Variants in FGF14 observed in about 807,000 individuals in gnomAD.
FGF14 encodes the protein fibroblast growth factor homologous factor 4.
Under a neutral mutation model 25.5 loss-of-function variants are expected in FGF14, and 5 were observed. The observed-to-expected ratio is 0.20, with a 90% confidence interval of 0.10 to 0.41. The LOEUF is 0.41. FGF14 is among the 10% of genes least tolerant of loss of function. The pLI, the probability that FGF14 is intolerant of heterozygous loss-of-function variation, is 1.00. For synonymous variants in FGF14, 138 were observed against 118.3 expected, an observed-to-expected ratio of 1.17 and a Z score of -1.08; for missense variants, 222 against 320.1, an observed-to-expected ratio of 0.69 and a Z score of 2.34.
intron 1 of FGF14, among the ~76,000 whole-genome samples, chr13:102,110,928 G>C (rs1275581891): frequency 6.6e-6 from 1 of 152,112 alleles, no homozygotes; most frequent in Non-Finnish European, 1.5e-5. Flanking sequence ...ACTGACAAAG[G>C]TTCCCATTAG....
At chr13:102,150,480 CACTT>C (rs1201874102) in intron 1 of FGF14, among the ~76,000 whole-genome samples, 2 of 152,150 alleles carry the variant, frequency 1.3e-5, no homozygotes, top group Admixed American at 6.5e-5. Context: ...CCACCATTCT[CACTT>C]ACGTTATTCC....
chr13:101,772,773 T>A (rs910519747), intron 3 of FGF14, among the ~76,000 whole-genome samples: 35 of 152,240 alleles, frequency 2.3e-4, no homozygotes, highest in African/African-American at 8.4e-4. Context: ...AAATAAGGAT[T>A]CTCTTTTATT....
chr13:102,040,229 G>A (rs540906732), intron 1 of FGF14, among the ~76,000 whole-genome samples: 1 of 152,162 alleles, frequency 6.6e-6, no homozygotes, highest in African/African-American at 2.4e-5. Flanking sequence ...GTACTGTTGA[G>A]CTTTTTATAT....
intron 1 of FGF14, among the ~76,000 whole-genome samples, chr13:102,080,940 A>G (rs1378561402): frequency 1.3e-5 from 2 of 152,236 alleles, no homozygotes; most frequent in African/African-American, 4.8e-5. Context: ...CCAAGACCAC[A>G]GAGGACTTCC....
At chr13:101,886,189 T>C (rs140280730) in intron 1 of FGF14, among the ~76,000 whole-genome samples, 1 of 152,300 alleles carries the variant, frequency 6.6e-6, no homozygotes. Flanking sequence ...GTAATTTATA[T>C]GATGTCACTG....
At chr13:102,267,702 A>G (rs2053057393) in intron 1 of FGF14, among the ~76,000 whole-genome samples, 1 of 152,186 alleles carries the variant, frequency 6.6e-6, no homozygotes, top group Non-Finnish European at 1.5e-5. Context: ...TTAGATTTAA[A>G]TAAACAAGAT....
chr13:102,357,689 G>C (rs374591429), intron 1 of FGF14, among the ~76,000 whole-genome samples: 1 of 152,146 alleles, frequency 6.6e-6, no homozygotes, highest in African/African-American at 2.4e-5. Context: ...TAGTATAGAT[G>C]AAGTGTTTAG....
chr13:102,110,456 C>T (rs573645113), intron 1 of FGF14, among the ~76,000 whole-genome samples: 54 of 152,224 alleles, frequency 3.5e-4, no homozygotes, highest in Admixed American at 7.8e-4. Flanking sequence ...TGACTATGGC[C>T]GCAACTTGTT....
chr13:102,089,664 G>T (rs2044081280), intron 1 of FGF14, among the ~76,000 whole-genome samples: 1 of 152,104 alleles, frequency 6.6e-6, no homozygotes, highest in South Asian at 2.1e-4. Context: ...GTACGTAAGG[G>T]GGCTATGAAT....
intron 1 of FGF14, among the ~76,000 whole-genome samples, chr13:102,138,730 C>A (rs891064326): frequency 2.0e-5 from 3 of 152,128 alleles, no homozygotes; most frequent in Non-Finnish European, 2.9e-5. Context: ...ACAGAAGGAG[C>A]TGGGCAAATT....
intron 1 of FGF14, among the ~76,000 whole-genome samples, chr13:102,188,621 T>C (rs1311624820): frequency 6.6e-6 from 1 of 152,042 alleles, no homozygotes; most frequent in African/African-American, 2.4e-5. Flanking sequence ...ACTTTTAATA[T>C]ATTGGTGCCA....
chr13:101,804,525 A>G (rs1290865649), intron 3 of FGF14, among the ~76,000 whole-genome samples: 2 of 152,194 alleles, frequency 1.3e-5, no homozygotes, highest in Non-Finnish European at 2.9e-5. Flanking sequence ...ACACTCAGGT[A>G]GATGAAAAAC....
chr13:102,021,068 C>T (rs946277809), intron 1 of FGF14, among the ~76,000 whole-genome samples: 23 of 151,828 alleles, frequency 1.5e-4, no homozygotes, highest in African/African-American at 5.3e-4. Context: ...GGTATGACTA[C>T]TGGGTGTATG....
intron 1 of FGF14, among the ~76,000 whole-genome samples, chr13:101,987,743 T>C (rs559187787): frequency 6.6e-6 from 1 of 152,238 alleles, no homozygotes; most frequent in South Asian, 2.1e-4. Flanking sequence ...GTGAACACAA[T>C]ATATAATATG....
intron 1 of FGF14, among the ~76,000 whole-genome samples, chr13:102,036,871 T>C (rs1372314797): frequency 6.6e-6 from 1 of 152,140 alleles, no homozygotes; most frequent in Admixed American, 6.5e-5. Context: ...TAATATTTCC[T>C]CTTATATTTT....
intron 1 of FGF14, among the ~76,000 whole-genome samples, chr13:101,932,756 T>TAA (rs869271842): frequency 0.22 from 21,682 of 98,282 alleles, 2,552 homozygotes; most frequent in Non-Finnish European, 0.31. Flanking sequence ...AAAATTACAG[T>TAA]AAAAAAAAAA....
rs978064626 is a variant in FGF14 at position 102,381,065 on chromosome 13, A to G, written c.208+20406T>C. On this transcript the variant is annotated intron_variant, in intron 1 of 4. Coordinates refer to the FGF14 transcript ENST00000376131. ...GGCAAAATCATCTAACACAAAGCCT[A>G]TTTTATAATGAAGTGTTGAATACCT... Among the ~76,000 whole-genome samples the G allele has an allele frequency of 4.6e-5, 7 of 152,194 alleles. No individual in the cohort carries two copies. In the East Asian group the frequency reaches 1.3e-3, roughly 29 times the overall value.
At chr13:102,263,258 T>C (rs146475285) in intron 1 of FGF14, 310 of 354,148 alleles carry the variant, frequency 8.8e-4, no homozygotes, top group African/African-American at 6.1e-3. Context: ...GGACGATTTA[T>C]TTTAAAAAGC....
intron 1 of FGF14, among the ~76,000 whole-genome samples, chr13:101,926,253 C>T (rs140278778): frequency 5.3e-5 from 8 of 152,292 alleles, no homozygotes; most frequent in Non-Finnish European, 8.8e-5. Flanking sequence ...CACTTACCCA[C>T]GCCCCTCTGA....
Sources: gnomAD v4.1 joint callset for allele counts (sites outside exome capture counted in the v4.1 genomes callset) on GRCh38, gnomAD v4.1.1 for gene constraint, MANE v1.5 for transcripts, NCBI Gene and HGNC (gene_info 2026-07-23, HGNC 2026-07-21) for gene names.